FAM13C: variants seen among roughly 807,000 people sequenced by gnomAD.
FAM13C encodes the protein family with sequence similarity 13 member C, also known as protein FAM13C.
FAM13C carries 37 observed loss-of-function variants against 73.2 expected under a neutral mutation model. The observed-to-expected ratio is 0.51, with a 90% CI of 0.39 to 0.67. The LOEUF (loss-of-function observed/expected upper bound fraction) is 0.67. Among genes scored for constraint, FAM13C ranks in the 30% least tolerant of loss-of-function variants. The pLI is 0.00. For synonymous variants in FAM13C, 246 were observed against 260.9 expected, an observed-to-expected ratio of 0.94 and a Z score of 0.55; for missense variants, 589 against 715.6, an observed-to-expected ratio of 0.82 and a Z score of 2.02.
chr10:59,292,003 T>G (rs558014594), intron 5 of FAM13C, among the ~76,000 whole-genome samples: 19 of 152,216 alleles, frequency 1.2e-4, no homozygotes, highest in African/African-American at 4.6e-4. Context: ...TTAGCCAGGA[T>G]GGTCTCTATC....
In FAM13C at chr10:59,283,269, T is replaced by C. The variant is rs1757663751; in HGVS notation, c.592+94A>G. 7.3e-6 allele frequency: 10 copies of C among 1,362,112 alleles called. No individual in the cohort carries two copies. The South Asian group carries it at 1.2e-4, about 16-fold the overall frequency. 84.4% of individuals were successfully genotyped at this position (1,362,112 alleles called of 1,614,324 possible). ...GGCTTTCATGTTGCCCCAGGCACTG[T>C]TTTCCCTCAGGGGCTCAGGCTGAGT... On this transcript the variant is annotated intron_variant, in intron 6 of 13. Coordinates refer to ENST00000618804, the MANE Select transcript of FAM13C (RefSeq NM_198215.4).
In FAM13C at chr10:59,252,964, T is replaced by C. The variant is rs1321678583; in HGVS notation, c.1367A>G (p.Gln456Arg). ...TGCCAAAGAAGGTTGTTGGCTTCCCTGTGGACGGTCTTCATCAGAGTCCTC... is the reference window on the plus strand; with the variant it reads ...TGCCAAAGAAGGTTGTTGGCTTCCCCGTGGACGGTCTTCATCAGAGTCCTC... ...EEEDSDEDRP[Q>R]GSQQPSLADP... Residue 456 changes from glutamine to arginine, a missense_variant, in exon 12 of 14, where the codon CAG becomes CGG. By Grantham distance (43) the Gln-to-Arg change is conservative. Coordinates refer to ENST00000618804, the MANE Select transcript of FAM13C (RefSeq NM_198215.4). The C allele has an allele frequency of 1.9e-6, 3 of 1,613,984 alleles. No individual in the cohort carries two copies. The highest frequency in any genetic ancestry group is 1.7e-6 in the Non-Finnish European group (2 of 1,179,988).
In FAM13C at chr10:59,332,232, G is replaced by GTA. The variant is rs200352553; in HGVS notation, c.325-8128_325-8127dup. ...GGTGGAGGGGTAGATCAATATGTTT[G>GTA]TATATATATGTGTGTGTGTGTGTGT... On this transcript the variant is annotated intron_variant, in intron 3 of 13. Transcript: ENST00000618804. Among the ~76,000 whole-genome samples, 1,010 of 151,862 alleles carry GTA rather than the reference G, an allele frequency of 6.7e-3. 8 individuals carry two copies. Among genetic ancestry groups the GTA allele is most frequent in the Non-Finnish European group, 0.011 (770 of 67,936 alleles).
chr10:59,352,154 C>T, intron 3 of FAM13C, 116 bp downstream of exon 3: 1 of 1,161,068 alleles, frequency 8.6e-7, no homozygotes, highest in Non-Finnish European at 1.2e-6. Context: ...CACGCAATGA[C>T]AAGTCGTGCC....
chr10:59,348,750 C>T (rs1854637411), intron 3 of FAM13C, among the ~76,000 whole-genome samples: 1 of 152,124 alleles, frequency 6.6e-6, no homozygotes, highest in South Asian at 2.1e-4. Flanking sequence ...GGAATTCTGC[C>T]TCAGCCTCCC....
intron 13 of FAM13C, 148 bp from the exon 14 acceptor site, chr10:59,247,885 T>C: frequency 1.5e-6 from 1 of 662,964 alleles, no homozygotes; most frequent in Non-Finnish European, 2.5e-6. Flanking sequence ...TTCACCTTCA[T>C]TCACTCCTTC....
At chr10:59,355,554 TAC>T (rs1339004963) in intron 2 of FAM13C, among the ~76,000 whole-genome samples, 1 of 152,222 alleles carries the variant, frequency 6.6e-6, no homozygotes, top group Non-Finnish European at 1.5e-5. Context: ...AAGACCATAC[TAC>T]AGACACTCAA....
At chr10:59,277,945 T>C (rs1241400692) in intron 6 of FAM13C, among the ~76,000 whole-genome samples, 1 of 152,170 alleles carries the variant, frequency 6.6e-6, no homozygotes, top group South Asian at 2.1e-4. Context: ...TTCGTTTTCA[T>C]GTTGCTGATA....
intron 4 of FAM13C, among the ~76,000 whole-genome samples, chr10:59,310,276 T>C (rs1848766557): frequency 6.6e-6 from 1 of 152,198 alleles, no homozygotes; most frequent in African/African-American, 2.4e-5. Flanking sequence ...TGGCTGGCTG[T>C]ATGACTGGTG....
chr10:59,350,920 T>G (rs906101942), intron 3 of FAM13C, among the ~76,000 whole-genome samples: 10 of 152,336 alleles, frequency 6.6e-5, no homozygotes, highest in African/African-American at 2.2e-4. Flanking sequence ...AAAAGCAAAG[T>G]TAACGCTTAT....
intron 8 of FAM13C, among the ~76,000 whole-genome samples, chr10:59,267,304 T>C (rs1182494412): frequency 6.6e-6 from 1 of 152,218 alleles, no homozygotes; most frequent in Admixed American, 6.5e-5. Flanking sequence ...ATTTTACTTC[T>C]ATTCTATTGC....
At chr10:59,271,061 A>G (rs1289595046) in intron 6 of FAM13C, among the ~76,000 whole-genome samples, 1 of 152,172 alleles carries the variant, frequency 6.6e-6, no homozygotes, top group Non-Finnish European at 1.5e-5. Context: ...TCAGGGGGCC[A>G]GAAGAAGGAG....
Position 59,262,629 on chromosome 10 carries a change from C to T in FAM13C, c.1041G>A (p.Leu347=), listed in dbSNP as rs763827338. 1.9e-6 allele frequency: 3 copies of T among 1,613,448 alleles called. No individual in the cohort carries two copies. The African/African-American group carries it at 4.0e-5, about 22-fold the overall frequency. ...TGGGAGCACTCCCTTGTTCTTCTGA[C>T]AGCTTTAGCTTTAGTTCTAAGAGAA... ...RKQLKELKLK[L]SEEQGSAPKG... is the part of the protein sequence containing the mutation. Residue 347 remains leucine (L), a synonymous_variant, in exon 10 of 14, where the codon CTG becomes CTA. Coordinates refer to ENST00000618804, the MANE Select transcript of FAM13C (RefSeq NM_198215.4).
At position 59,247,679 on chromosome 10, in the gene FAM13C, T is replaced by C; in HGVS notation, c.1693A>G (p.Ile565Val). Residue 565 changes from isoleucine to valine, a missense_variant, in exon 14 of 14, where the codon ATA (isoleucine) becomes GTA (valine). Ile to Val is a conservative substitution (Grantham distance 29). Transcript: ENST00000618804. ...MADEYYEYKHIKAKLRLLEVL... is the reference protein window; with the variant it reads ...MADEYYEYKHVKAKLRLLEVL... ...TCTAATAGTCTCAGTTTGGCTTTTA[T>C]GTGCTTATATTCATAATACTCATCT... 6.2e-7 allele frequency: 1 copy of C among 1,613,582 alleles called. No individual in the cohort carries two copies. Among genetic ancestry groups the C allele is most frequent in the Non-Finnish European group, 8.5e-7 (1 of 1,179,682 alleles).
Position 59,320,000 on chromosome 10 carries a change from A to T in FAM13C, c.443+3988T>A, listed in dbSNP as rs146673875. The stretch of plus-strand genomic sequence containing the variant: ...GGAGGACTTAGCTCCAGGGAGCTAC[A>T]GAGTCCCCAGGAGCAGCAGTTGCCA... On this transcript the variant is annotated intron_variant, in intron 4 of 13. Transcript: ENST00000618804. Among the ~76,000 whole-genome samples the T allele has an allele frequency of 4.4e-3, 670 of 152,310 alleles. 2 individuals carry two copies. Among genetic ancestry groups the T allele is most frequent in the African/African-American group, 0.015 (625 of 41,578 alleles).
intron 1 of FAM13C, among the ~76,000 whole-genome samples, chr10:59,361,899 T>G (rs112537227): frequency 8.5e-5 from 13 of 152,204 alleles, no homozygotes; most frequent in Admixed American, 3.3e-4. Context: ...AAGACAAACA[T>G]GACAAAGGGC....
chr10:59,275,449 G>C (rs1198035926), intron 6 of FAM13C, among the ~76,000 whole-genome samples: 1 of 151,998 alleles, frequency 6.6e-6, no homozygotes, highest in African/African-American at 2.4e-5. Flanking sequence ...CATGCCATCT[G>C]GTCACTTCCA....
intron 3 of FAM13C, among the ~76,000 whole-genome samples, chr10:59,327,376 T>A (rs1311021566): frequency 2.0e-5 from 3 of 152,164 alleles, no homozygotes; most frequent in African/African-American, 7.2e-5. Flanking sequence ...TAGTACTCAA[T>A]CAAATGTATT....
At chr10:59,267,486 C>G (rs990853625) in intron 8 of FAM13C, among the ~76,000 whole-genome samples, 3 of 152,150 alleles carry the variant, frequency 2.0e-5, no homozygotes, top group Non-Finnish European at 4.4e-5. Flanking sequence ...ATAGCTGTGA[C>G]TGCCTGACTT....
Sources: allele counts gnomAD v4.1 joint callset (sites outside exome capture counted in the v4.1 genomes callset), GRCh38; gene constraint gnomAD v4.1.1; transcripts MANE v1.5; gene names NCBI Gene and HGNC (gene_info 2026-07-23, HGNC 2026-07-21).